GLI3: variants seen among roughly 807,000 people sequenced by gnomAD.
The protein encoded by GLI3 is transcription activator GLI3.
In GLI3, 20 loss-of-function variants were observed where a neutral mutation model predicts 100.8. The observed-to-expected ratio is 0.20, with a 90% CI of 0.14 to 0.29. The LOEUF (loss-of-function observed/expected upper bound fraction) is 0.29. Among genes scored for constraint, GLI3 ranks in the 10% least tolerant of loss-of-function variants. GLI3 has a pLI of 1.00. For synonymous variants in GLI3, 938 were observed against 860.5 expected (o/e 1.09, Z -1.58); for missense variants, 2,040 against 2,128.5 (o/e 0.96, Z 0.82).
chr7:42,089,101 C>T (rs1353214127), intron 3 of GLI3, among the ~76,000 whole-genome samples: 1 of 152,140 alleles, frequency 6.6e-6, no homozygotes, highest in Non-Finnish European at 1.5e-5. Flanking sequence ...TCCAAGTGCC[C>T]CTAAGGACAG....
At chr7:42,005,258 T>G (rs1002979030) in intron 10 of GLI3, among the ~76,000 whole-genome samples, 1 of 152,216 alleles carries the variant, frequency 6.6e-6, no homozygotes, top group Non-Finnish European at 1.5e-5. Flanking sequence ...CGTTTCCCTG[T>G]TGCTTTAGTA....
intron 10 of GLI3, among the ~76,000 whole-genome samples, chr7:41,984,991 G>A (rs1009315068): frequency 4.6e-5 from 7 of 152,188 alleles, no homozygotes; most frequent in African/African-American, 7.2e-5. Context: ...AATAGAATAA[G>A]GGCTTAGAAA....
chr7:42,059,625 T>C (rs535823249), intron 4 of GLI3, among the ~76,000 whole-genome samples: 39 of 152,362 alleles, frequency 2.6e-4, no homozygotes, highest in African/African-American at 8.7e-4. Context: ...GAGACATTCA[T>C]ATGTCCAGTT....
intron 6 of GLI3, among the ~76,000 whole-genome samples, chr7:42,041,129 C>A (rs1784127971): frequency 6.6e-6 from 1 of 152,186 alleles, no homozygotes; most frequent in African/African-American, 2.4e-5. Context: ...TAACGAGGTA[C>A]AATGAACCTA....
chr7:42,188,837 GAAGA>G (rs931650590), intron 2 of GLI3, among the ~76,000 whole-genome samples: 3 of 152,220 alleles, frequency 2.0e-5, no homozygotes, highest in Non-Finnish European at 2.9e-5. Context: ...ATGGATGAGT[GAAGA>G]AAGGGAAGAA....
chr7:42,076,775 T>C lies in GLI3; in HGVS notation c.450A>G (p.Pro150=), dbSNP rs747375287. ...RHHEGRYHYD[P]SPIPPLHMTS... ...ACATATGCAATGGAGGAATCGGAGA[T>C]GGATCGTAATGGTAACGGCCCTCAT... Residue 150 remains proline, a synonymous_variant, in exon 4 of 15, where the codon CCA becomes CCG. Coordinates refer to ENST00000395925, the MANE Select transcript of GLI3 (RefSeq NM_000168.6). 1.9e-6 allele frequency: 3 copies of C among 1,604,094 alleles called. No individual in the cohort carries two copies. Among genetic ancestry groups the C allele is most frequent in the East Asian group, 2.2e-5 (1 of 44,820 alleles).
chr7:42,247,191 A>T (rs1315438781), intron 1 of GLI3, among the ~76,000 whole-genome samples: 1 of 152,202 alleles, frequency 6.6e-6, no homozygotes, highest in African/African-American at 2.4e-5. Flanking sequence ...ATTATCGATT[A>T]CAAGTACATT....
Position 41,965,425 on chromosome 7 carries a change from G to C in GLI3, c.3648C>G (p.Leu1216=), listed in dbSNP as rs199638498. Residue 1216 remains leucine (L), a synonymous_variant, in exon 15 of 15, where the codon CTC becomes CTG. Coordinates refer to ENST00000395925, the MANE Select transcript of GLI3 (RefSeq NM_000168.6). ...CACCGTAGGGGTTGCTGTTCTCCCC[G>C]AGGGTCTGATAGCCCCCAGCAGGCC... The part of the protein sequence containing the change: ...RSGPAGGYQT[L]GENSNPYGGP... The C allele has an allele frequency of 6.2e-6, 10 of 1,607,918 alleles. No individual in the cohort carries two copies. The South Asian group carries it at 7.7e-5, about 12-fold the overall frequency.
intron 1 of GLI3, among the ~76,000 whole-genome samples, chr7:42,251,415 C>T (rs1410862537): frequency 7.9e-5 from 12 of 152,164 alleles, no homozygotes; most frequent in African/African-American, 9.7e-5. Context: ...AGAGCTTAGG[C>T]GGCGATGCTC....
intron 2 of GLI3, among the ~76,000 whole-genome samples, chr7:42,204,881 T>C (rs951342312): frequency 2.6e-5 from 4 of 152,138 alleles, no homozygotes; most frequent in Non-Finnish European, 5.9e-5. Context: ...AATTTCTCTG[T>C]GGGCTGGCAA....
chr7:42,172,817 C>T (rs1787403552), intron 2 of GLI3: 2 of 571,818 alleles, frequency 3.5e-6, no homozygotes, highest in Admixed American at 6.1e-5. Context: ...TCTCAAAGAG[C>T]CATTCACCTT....
At chr7:42,127,866 G>A (rs138435586) in intron 3 of GLI3, among the ~76,000 whole-genome samples, 2 of 151,962 alleles carry the variant, frequency 1.3e-5, no homozygotes, top group East Asian at 3.9e-4. Flanking sequence ...AAAATTATTA[G>A]CCAGGTGTGG....
Position 41,965,811 on chromosome 7 carries a change from C to A in GLI3, c.3262G>T (p.Asp1088Tyr). Residue 1088 changes from aspartate (D) to tyrosine (Y), a missense_variant, in exon 15 of 15, where the codon GAT becomes TAT. Transcript: ENST00000395925. The stretch of plus-strand genomic sequence containing the variant: ...ACGTCGTCCGGCAGGAAATCCTCAT[C>A]GTTCAGGTTGGCATCAGCGTCCATG... ...LTMDADANLN[D>Y]EDFLPDDVVQ... 1 of 1,613,384 alleles carries A rather than the reference C, an allele frequency of 6.2e-7. No homozygotes were observed.
chr7:42,081,245 A>G (rs529243974), intron 3 of GLI3, among the ~76,000 whole-genome samples: 2 of 152,234 alleles, frequency 1.3e-5, no homozygotes, highest in South Asian at 4.1e-4. Flanking sequence ...TTAAAATTCT[A>G]CCAGGTGGGG....
rs1448746421 is a variant in GLI3, at chr7:41,966,370, G to A, written c.2703C>T (p.Asp901=). 4 of 1,609,002 alleles carry A rather than the reference G, an allele frequency of 2.5e-6. No homozygotes were observed. The highest frequency in any genetic ancestry group is 1.3e-5 in the African/African-American group (1 of 74,922). The change falls in exon 15 of 15, where the codon GAC becomes GAT. Residue 901 remains aspartate (D), a synonymous_variant. Coordinates refer to ENST00000395925, the MANE Select transcript of GLI3 (RefSeq NM_000168.6). This position sits in a 1 kb window ranked among gnomAD's most constrained non-coding sequence, Gnocchi z 5.8. ...TGGCTTCGCTGGAGCGGCGCGAGGC[G>A]TCGGTGGAGATGGGGTCGTAGGAGT... The part of the protein sequence containing the change: ...VADSYDPIST[D]ASRRSSEASQ...
At chr7:41,975,329 G>A (rs1787481563) in intron 12 of GLI3, among the ~76,000 whole-genome samples, 1 of 152,194 alleles carries the variant, frequency 6.6e-6, no homozygotes, top group African/African-American at 2.4e-5. Context: ...TTGCAAATAA[G>A]AGAGGAAATA....
intron 10 of GLI3, among the ~76,000 whole-genome samples, chr7:41,998,520 G>A (rs1330085942): frequency 6.6e-6 from 1 of 152,060 alleles, no homozygotes; most frequent in Non-Finnish European, 1.5e-5. Context: ...CTTCTTAAAT[G>A]CCTCAAAAAT....
At chr7:42,102,496 G>A (rs1785485933) in intron 3 of GLI3, among the ~76,000 whole-genome samples, 1 of 152,200 alleles carries the variant, frequency 6.6e-6, no homozygotes, top group African/African-American at 2.4e-5. Flanking sequence ...ATTCCTGTTG[G>A]TGCAAGGGTT....
At chr7:42,161,365 G>T (rs1787127440) in intron 2 of GLI3, among the ~76,000 whole-genome samples, 1 of 152,190 alleles carries the variant, frequency 6.6e-6, no homozygotes, top group Non-Finnish European at 1.5e-5. Flanking sequence ...CAACAGCAGA[G>T]TTGAGTAGTG....
Sources: allele counts gnomAD v4.1 joint callset (sites outside exome capture counted in the v4.1 genomes callset), GRCh38; gene constraint gnomAD v4.1.1; non-coding constraint Gnocchi (gnomAD v3.1); transcripts MANE v1.5; gene names NCBI Gene and HGNC (gene_info 2026-07-23, HGNC 2026-07-21).